LSAMP: variants seen among roughly 807,000 people sequenced by gnomAD.
LSAMP encodes the protein limbic system associated membrane protein.
A neutral mutation model predicts 38.6 loss-of-function variants in LSAMP; 7 were observed. The ratio of observed to expected loss-of-function variants is 0.18; its 90% confidence interval spans 0.10 to 0.34. The LOEUF is 0.34. LSAMP is among the 10% of genes least tolerant of loss of function. The pLI is 1.00. For missense variants in LSAMP, 313 were observed against 420.0 expected, an observed-to-expected ratio of 0.75 and a Z score of 2.23; for synonymous variants, 154 against 166.8, an observed-to-expected ratio of 0.92 and a Z score of 0.59.
chr3:116,303,259 G>A (rs2047438626), intron 1 of LSAMP, among the ~76,000 whole-genome samples: 1 of 152,076 alleles, frequency 6.6e-6, no homozygotes, highest in Non-Finnish European at 1.5e-5. Flanking sequence ...GAGAAATAAA[G>A]ATTTTTTTTA....
At chr3:115,994,872 G>C (rs1351156328) in intron 3 of LSAMP, among the ~76,000 whole-genome samples, 2 of 152,076 alleles carry the variant, frequency 1.3e-5, no homozygotes, top group East Asian at 1.9e-4. Context: ...TGCATGTGGA[G>C]ATGCTGGGGT....
At chr3:116,150,043 G>T (rs1033458382) in intron 1 of LSAMP, among the ~76,000 whole-genome samples, 3 of 152,060 alleles carry the variant, frequency 2.0e-5, no homozygotes, top group Admixed American at 1.3e-4. Flanking sequence ...ATGACTTACA[G>T]AATGTGGAAC....
At chr3:116,156,934 G>A (rs1177743705) in intron 1 of LSAMP, among the ~76,000 whole-genome samples, 13 of 152,114 alleles carry the variant, frequency 8.5e-5, no homozygotes, top group Admixed American at 8.5e-4. Flanking sequence ...GTGGATAGAT[G>A]CTTCCAAGAT....
At chr3:115,978,737 GA>G (rs1262285532) in intron 3 of LSAMP, among the ~76,000 whole-genome samples, 3 of 151,948 alleles carry the variant, frequency 2.0e-5, no homozygotes, top group South Asian at 2.1e-4. Context: ...TAAAATGGGG[GA>G]AAAAATAGGG....
chr3:115,975,039 G>A (rs1249020204), intron 3 of LSAMP, among the ~76,000 whole-genome samples: 1 of 152,120 alleles, frequency 6.6e-6, no homozygotes, highest in Non-Finnish European at 1.5e-5. Context: ...TTACAATGTG[G>A]ACATCTTGGA....
chr3:115,828,830 A>G (rs1241384755), intron 6 of LSAMP, among the ~76,000 whole-genome samples: 3 of 152,228 alleles, frequency 2.0e-5, no homozygotes, highest in African/African-American at 7.2e-5. Context: ...TGTTAAAAAA[A>G]ATATTCATTT....
At chr3:116,380,947 G>A (rs78851175) in intron 1 of LSAMP, among the ~76,000 whole-genome samples, 1 of 151,928 alleles carries the variant, frequency 6.6e-6, no homozygotes, top group Non-Finnish European at 1.5e-5. Flanking sequence ...CTAAATCAAA[G>A]GCTGCTGCTT....
At chr3:116,049,647 C>T (rs1485051644) in intron 2 of LSAMP, among the ~76,000 whole-genome samples, 1 of 152,070 alleles carries the variant, frequency 6.6e-6, no homozygotes, top group East Asian at 1.9e-4. Flanking sequence ...ATGACGCTAC[C>T]CATATGTTCC....
Position 115,929,038 on chromosome 3 carries a change from C to G in LSAMP, c.515-76421G>C, listed in dbSNP as rs191536263. Among the ~76,000 whole-genome samples, 449 of 117,682 alleles carry G rather than the reference C, an allele frequency of 3.8e-3. 2 individuals carry two copies. Among genetic ancestry groups the G allele is most frequent in the Admixed American group, 5.9e-3 (49 of 8,348 alleles). The allele number at this position is 117,682 out of a possible 152,430, so 77.2% of individuals were successfully genotyped here. On this transcript the variant is annotated intron_variant, in intron 3 of 6. Coordinates refer to ENST00000490035, the MANE Select transcript of LSAMP (RefSeq NM_002338.5). Reference sequence around the variant, plus strand: ...GGTAGCGCTTAGCTGTAATAATATTCTATGTGAATATTGGCTGATTAATGT... The same window carrying G: ...GGTAGCGCTTAGCTGTAATAATATTGTATGTGAATATTGGCTGATTAATGT...
chr3:116,019,224 TAGAC>T (rs1206538745), intron 3 of LSAMP, among the ~76,000 whole-genome samples: 13 of 150,886 alleles, frequency 8.6e-5, no homozygotes, highest in African/African-American at 2.7e-4. Context: ...GATAGATAGA[TAGAC>T]AGATAGATAG....
rs1007990062 is a variant in LSAMP at position 115,977,049 on chromosome 3, G to A, written c.514+42466C>T. On this transcript the variant is annotated intron_variant, in intron 3 of 6. Transcript: ENST00000490035. ...TGGGAGAGGGAGCATAACATTGAGC[G>A]GAAGAAATGAAATCTATTTCATATT... is the stretch of plus-strand genomic sequence containing the variant. Among the ~76,000 whole-genome samples, 22 of 152,032 alleles carry A rather than the reference G, an allele frequency of 1.4e-4. No homozygotes were observed. In the Middle Eastern group the frequency reaches 0.01, roughly 71 times the overall value.
intron 1 of LSAMP, among the ~76,000 whole-genome samples, chr3:116,132,632 T>G (rs1204122480): frequency 6.6e-6 from 1 of 152,374 alleles, no homozygotes; most frequent in Admixed American, 6.5e-5. Flanking sequence ...TCTCTCGTTT[T>G]TTTCTTAACA....
chr3:116,294,660 C>T (rs1345301620), intron 1 of LSAMP, among the ~76,000 whole-genome samples: 4 of 152,054 alleles, frequency 2.6e-5, no homozygotes, highest in Admixed American at 6.5e-5. Context: ...AAGCTTAGAT[C>T]GCCATTTAAA....
chr3:116,237,191 A>G (rs1008075636), intron 1 of LSAMP, among the ~76,000 whole-genome samples: 2 of 152,138 alleles, frequency 1.3e-5, no homozygotes, highest in African/African-American at 4.8e-5. Context: ...CTTCCGCACA[A>G]AAGCTCAAAC....
intron 3 of LSAMP, among the ~76,000 whole-genome samples, chr3:115,940,175 G>C (rs1576238402): frequency 6.6e-6 from 1 of 152,172 alleles, no homozygotes; most frequent in East Asian, 1.9e-4. Flanking sequence ...CTTAAAGCTA[G>C]TACGGACCCA....
intron 3 of LSAMP, among the ~76,000 whole-genome samples, chr3:115,857,190 C>T (rs983589354): frequency 2.0e-5 from 3 of 152,252 alleles, no homozygotes; most frequent in Non-Finnish European, 2.9e-5. Context: ...TAGCAAGTGC[C>T]GTTTCTTGTT....
At chr3:116,068,908 G>T (rs1336207884) in intron 2 of LSAMP, among the ~76,000 whole-genome samples, 1 of 152,200 alleles carries the variant, frequency 6.6e-6, no homozygotes, top group African/African-American at 2.4e-5. Flanking sequence ...AGTGGAATGT[G>T]ATGTGTTTTA....
intron 1 of LSAMP, among the ~76,000 whole-genome samples, chr3:116,129,354 G>C (rs553449751): frequency 1.3e-5 from 2 of 152,108 alleles, no homozygotes; most frequent in Non-Finnish European, 1.5e-5. Context: ...AAGACAAATA[G>C]GAGAGGTTCT....
Position 116,439,317 on chromosome 3 carries a change from TTG to T in LSAMP, c.155+5558_155+5559del, listed in dbSNP as rs747953665. Among the ~76,000 whole-genome samples, 44 of 60,288 alleles carry T rather than the reference TTG, an allele frequency of 7.3e-4. 1 individual carries two copies. The highest frequency in any genetic ancestry group is 2.0e-3 in the African/African-American group (29 of 14,436). 39.6% of individuals were successfully genotyped at this position (60,288 alleles called of 152,430 possible). On this transcript the variant is annotated intron_variant, in intron 1 of 6. Transcript: ENST00000490035. ...CTCCAGCATAGGTCCTGAGATTTTG[TTG>T]TTTTTTTTTTTTAATGCAACTATGT...
Sources: gnomAD v4.1 joint callset for allele counts (sites outside exome capture counted in the v4.1 genomes callset) on GRCh38, gnomAD v4.1.1 for gene constraint, MANE v1.5 for transcripts, NCBI Gene and HGNC (gene_info 2026-07-23, HGNC 2026-07-21) for gene names.